Variants in CFAP47 observed in about 807,000 individuals in gnomAD.
The protein encoded by CFAP47 is cilia- and flagella-associated protein 47.
In CFAP47, 29 loss-of-function variants were observed where a neutral mutation model predicts 148.1. That is an observed-to-expected ratio of 0.20 (90% CI 0.15 to 0.27). The LOEUF is 0.27. CFAP47 is among the 10% of genes least tolerant of loss of function. The probability of loss-of-function intolerance (pLI) is 1.00; values close to 1 mark genes in which losing one functional copy is unlikely to be tolerated. For synonymous variants in CFAP47, 664 were observed against 577.3 expected (o/e 1.15, Z -2.15); for missense variants, 1,872 against 1,697.5 (o/e 1.10, Z -1.81).
intron 33 of CFAP47, among the ~76,000 whole-genome samples, chrX:36,107,576 A>G (rs748075863): frequency 1.3e-4 from 15 of 112,202 alleles, no homozygotes; most frequent in Non-Finnish European, 2.8e-4. Flanking sequence ...TCTGACAGGA[A>G]CAGAGACAAG....
At chrX:36,070,495 CCT>C (rs1937727963) in intron 27 of CFAP47, among the ~76,000 whole-genome samples, 1 of 102,899 alleles carries the variant, frequency 9.7e-6, no homozygotes, top group Admixed American at 1.0e-4. Flanking sequence ...TTTTTCTTTT[CCT>C]TTTTTTTTTT....
intron 22 of CFAP47, among the ~76,000 whole-genome samples, chrX:36,029,592 G>A (rs1400728396): frequency 9.1e-6 from 1 of 110,160 alleles, no homozygotes; most frequent in Non-Finnish European, 1.9e-5. Flanking sequence ...TTCCATTTTT[G>A]TGTTCTTTCA....
intron 30 of CFAP47, among the ~76,000 whole-genome samples, chrX:36,098,400 A>G (rs1362356012): frequency 4.5e-5 from 5 of 111,558 alleles, no homozygotes; most frequent in Non-Finnish European, 9.4e-5. Flanking sequence ...AAGAGTTACA[A>G]TTAGCTGGTG....
intron 45 of CFAP47, among the ~76,000 whole-genome samples, chrX:36,219,157 A>G (rs1297776244): frequency 1.8e-5 from 2 of 112,012 alleles, no homozygotes; most frequent in Admixed American, 1.9e-4. Context: ...TACTCCCACA[A>G]AAGACAGAAG....
intron 22 of CFAP47, among the ~76,000 whole-genome samples, chrX:36,015,237 T>G (rs1186726440): frequency 9.8e-6 from 1 of 102,067 alleles, no homozygotes; most frequent in Non-Finnish European, 1.9e-5. Flanking sequence ...ACAAAATGCA[T>G]TTAACATAAA....
At chrX:36,373,992 A>G (rs1941997678) in intron 62 of CFAP47, among the ~76,000 whole-genome samples, 1 of 111,142 alleles carries the variant, frequency 9.0e-6, no homozygotes, top group African/African-American at 3.3e-5. Flanking sequence ...TTTTGCTTTC[A>G]TGTTCATCAG....
intron 45 of CFAP47, among the ~76,000 whole-genome samples, chrX:36,205,727 A>C (rs1940032044): frequency 8.9e-6 from 1 of 112,057 alleles, no homozygotes; most frequent in South Asian, 3.7e-4. Flanking sequence ...GTGACTAAAT[A>C]TTTTTAACTA....
intron 49 of CFAP47, among the ~76,000 whole-genome samples, chrX:36,277,848 T>G (rs1941034016): frequency 1.8e-5 from 2 of 111,991 alleles, no homozygotes; most frequent in Admixed American, 1.9e-4. Context: ...TCTGTTGGAG[T>G]TTGCTGGAGG....
At position 36,371,887 on chromosome X, in the gene CFAP47, C is replaced by T. The variant is rs868992953; in HGVS notation, c.9185+4760C>T. Among the ~76,000 whole-genome samples the T allele has an allele frequency of 4.0e-3, 196 of 49,065 alleles. 8 individuals are homozygous for T. Among genetic ancestry groups the T allele is most frequent in the African/African-American group, 0.029 (92 of 3,123 alleles). The allele number at this position is 49,065 out of a possible 115,157, so 42.6% of individuals were successfully genotyped here. ...ATACACACATGTGTATATATGTGTG[C>T]ATATACACACATGTGTATATATGTG... On this transcript the variant is annotated intron_variant, in intron 62 of 63. Coordinates refer to ENST00000378653, the MANE Select transcript of CFAP47 (RefSeq NM_001304548.2).
At chrX:35,956,413 G>C (rs1936246952) in intron 8 of CFAP47, among the ~76,000 whole-genome samples, 1 of 111,883 alleles carries the variant, frequency 8.9e-6, no homozygotes, top group Non-Finnish European at 1.9e-5. Context: ...TTTGGCACTA[G>C]GGAATTTAAA....
At position 36,025,982 on chromosome X, in the gene CFAP47, T is replaced by A. The variant is rs58030128; in HGVS notation, c.3557-5271T>A. Among the ~76,000 whole-genome samples the A allele has an allele frequency of 4.3e-3, 487 of 112,029 alleles. 2 individuals are homozygous for A. Among genetic ancestry groups the A allele is most frequent in the African/African-American group, 0.015 (464 of 30,880 alleles). ...TCTAACATTGCTTGAAAATTTAGAATGTCTTTGTCAGCTAGAGGGTTGATA... is the reference window on the plus strand; with the variant it reads ...TCTAACATTGCTTGAAAATTTAGAAAGTCTTTGTCAGCTAGAGGGTTGATA... On this transcript the variant is annotated intron_variant, in intron 22 of 63. Coordinates refer to ENST00000378653, the MANE Select transcript of CFAP47 (RefSeq NM_001304548.2).
Position 36,385,214 on chromosome X carries a change from A to G in CFAP47, c.*208A>G, listed in dbSNP as rs1556024993. ...TGGTTGCGAACATTGGAATTGGTTC[A>G]CTTTTAAAGTGCAGGTGTATATTTG... On this transcript the variant is annotated 3_prime_UTR_variant, in exon 64 of 64. Transcript: ENST00000378653. The G allele has an allele frequency of 2.8e-6, 1 of 360,420 alleles. No individual in the cohort carries two copies. Among genetic ancestry groups the G allele is most frequent in the African/African-American group, 2.6e-5 (1 of 38,385 alleles). 29.7% of individuals were successfully genotyped at this position (360,420 alleles called of 1,213,427 possible).
chrX:36,235,344 C>T (rs951816935), intron 46 of CFAP47, among the ~76,000 whole-genome samples: 22 of 112,380 alleles, frequency 2.0e-4, no homozygotes, highest in African/African-American at 6.8e-4. Context: ...CCCCCAGCCT[C>T]GCTGCTGCCT....
chrX:36,027,305 G>T (rs1937230793), intron 22 of CFAP47, among the ~76,000 whole-genome samples: 1 of 108,673 alleles, frequency 9.2e-6, no homozygotes, highest in African/African-American at 3.3e-5. Context: ...GAGCACTGTA[G>T]CCAGTAGGTA....
At chrX:36,037,445 A>G (rs766703770) in intron 24 of CFAP47, among the ~76,000 whole-genome samples, 1 of 110,053 alleles carries the variant, frequency 9.1e-6, no homozygotes, top group East Asian at 2.9e-4. Flanking sequence ...TCACTGCAAC[A>G]TTTACTTCCC....
At chrX:35,932,264 C>T (rs781574930) in intron 2 of CFAP47, among the ~76,000 whole-genome samples, 73 of 91,972 alleles carry the variant, frequency 7.9e-4, no homozygotes, top group African/African-American at 3.2e-3. Context: ...TTCTTTCTTT[C>T]TTTTTTTTTT....
intron 51 of CFAP47, among the ~76,000 whole-genome samples, chrX:36,295,337 G>A (rs1362898396): frequency 8.9e-6 from 1 of 112,165 alleles, no homozygotes; most frequent in Non-Finnish European, 1.9e-5. Context: ...CACCAACCAA[G>A]TATTTCAAAC....
intron 60 of CFAP47, among the ~76,000 whole-genome samples, chrX:36,359,301 C>A (rs1941809406): frequency 1.8e-5 from 2 of 111,250 alleles, no homozygotes; most frequent in Non-Finnish European, 3.8e-5. Flanking sequence ...AGGCAACTGA[C>A]AATAGAGGTG....
rs777483195 is a variant in CFAP47, at chrX:36,099,833, C to G, written c.5081C>G (p.Ala1694Gly). 3.1e-6 allele frequency: 3 copies of G among 974,371 alleles called. No individual in the cohort carries two copies. The highest frequency in any genetic ancestry group is 3.1e-5 in the East Asian group (1 of 32,588). 80.3% of individuals were successfully genotyped at this position (974,371 alleles called of 1,213,427 possible). A position where few individuals can be genotyped will look rare whatever the true frequency, so the allele number is the denominator to read the frequency against. ...SIVIEMSKFE[A>G]WSKRAWTDVF... ...GTTATAGAAATGTCTAAATTTGAAG[C>G]CTGGAGTAAACGGGCATGGACAGAT... Residue 1694 changes from alanine (A) to glycine (G), a missense_variant, in exon 32 of 64, where the codon GCC (alanine) becomes GGC (glycine). Transcript: ENST00000378653.
Sources: gnomAD v4.1 joint callset for allele counts (sites outside exome capture counted in the v4.1 genomes callset) on GRCh38, gnomAD v4.1.1 for gene constraint, MANE v1.5 for transcripts, NCBI Gene and HGNC (gene_info 2026-07-23, HGNC 2026-07-21) for gene names.